Variants in CARD10 observed in about 807,000 individuals in gnomAD.
CARD10 encodes caspase recruitment domain-containing protein 10.
In CARD10, 49 loss-of-function variants were observed where a neutral mutation model predicts 114.6. The ratio of observed to expected loss-of-function variants is 0.43; its 90% confidence interval spans 0.34 to 0.54. CARD10 has a LOEUF of 0.54. Ranked by LOEUF, CARD10 falls within the 20% of genes least tolerant of loss-of-function variation. CARD10 has a pLI of 0.03. For synonymous variants in CARD10, 602 were observed against 593.2 expected (o/e 1.01, Z -0.21); for missense variants, 1,206 against 1,397.2 (o/e 0.86, Z 2.18).
At position 37,496,484 on chromosome 22, in the gene CARD10, T is replaced by C. The variant is rs377261206; in HGVS notation, c.2024A>G (p.Gln675Arg). 7.4e-6 allele frequency: 12 copies of C among 1,613,714 alleles called. No individual in the cohort carries two copies. In the African/African-American group the frequency reaches 1.3e-4, roughly 18 times the overall value. Residue 675 changes from glutamine to arginine, a missense_variant, in exon 13 of 20, where the codon CAG becomes CGG. Physicochemically the swap from Gln to Arg is conservative, Grantham distance 43. This residue lies in a region of CARD10 where 1,068 missense variants were observed against 1,179.1 expected (regional missense o/e 0.91). Transcript: ENST00000251973. This position sits in a 1 kb window ranked among gnomAD's most constrained non-coding sequence, Gnocchi z 4.1. The part of the protein sequence containing the change: ...EAQQRTLLWN[Q>R]GSTLPSLMDS... ...CATCAGGGAGGGGAGTGTGGACCCC[T>C]GATTCCAGAGCAAGGTTCTCTGCTG...
intron 3 of CARD10, among the ~76,000 whole-genome samples, chr22:37,511,645 G>GC (rs1324410089): frequency 6.6e-6 from 1 of 151,960 alleles, no homozygotes; most frequent in Admixed American, 6.6e-5. Context: ...ATCTGTACGG[G>GC]GGGGGTGTGA....
chr22:37,502,072 A>T (rs1201562686), intron 11 of CARD10, among the ~76,000 whole-genome samples: 13 of 152,208 alleles, frequency 8.5e-5, no homozygotes, highest in Admixed American at 8.5e-4. Flanking sequence ...CACTAACAGC[A>T]CGTCGCCTAC....
Position 37,496,621 on chromosome 22 carries a change from G to C in CARD10, c.1948-61C>G, listed in dbSNP as rs778516160. ...AGCCTCTGAGAGTAGAGCAGCCCAGGGGCTGGAGGAAGACCAGGTGTGGGG... is the reference window on the plus strand; with the variant it reads ...AGCCTCTGAGAGTAGAGCAGCCCAGCGGCTGGAGGAAGACCAGGTGTGGGG... On this transcript the variant is annotated intron_variant, in intron 12 of 19. Coordinates refer to ENST00000251973, the MANE Select transcript of CARD10 (RefSeq NM_014550.4). This position sits in a 1 kb window ranked among gnomAD's most constrained non-coding sequence, Gnocchi z 4.1. 1.1e-5 allele frequency: 14 copies of C among 1,235,302 alleles called. No homozygotes were observed. The highest frequency in any genetic ancestry group is 1.5e-5 in the Non-Finnish European group (13 of 853,508). 76.5% of individuals were successfully genotyped at this position (1,235,302 alleles called of 1,614,324 possible).
In CARD10 at chr22:37,497,313, T is replaced by C. The variant is rs1923041695; in HGVS notation, c.1788-135A>G. 5 of 854,480 alleles carry C rather than the reference T, an allele frequency of 5.9e-6. No homozygotes were observed. The East Asian group carries it at 1.4e-4, about 23-fold the overall frequency. The allele number at this position is 854,480 out of a possible 1,614,324, so 52.9% of individuals were successfully genotyped here. On this transcript the variant is annotated intron_variant, in intron 11 of 19. Coordinates refer to ENST00000251973, the MANE Select transcript of CARD10 (RefSeq NM_014550.4). ...CACCCCCAGGCCTCTCCATCTTCTG[T>C]GCCCTCTTCCTTGCCTTCTCCACCT...
chr22:37,508,156 A>AT (rs1923478877), intron 5 of CARD10, among the ~76,000 whole-genome samples: 1 of 152,094 alleles, frequency 6.6e-6, no homozygotes, highest in African/African-American at 2.4e-5. Flanking sequence ...AAACGAGAAG[A>AT]ATGATCATCA....
chr22:37,500,640 G>T (rs551368889), intron 11 of CARD10, among the ~76,000 whole-genome samples: 2 of 152,108 alleles, frequency 1.3e-5, no homozygotes, highest in Non-Finnish European at 2.9e-5. Context: ...CACACAATAC[G>T]GATGTGAGAT....
rs1205037995 is a variant in CARD10 at position 37,492,585 on chromosome 22, C to A, written c.2636-35G>T. 1.9e-6 allele frequency: 3 copies of A among 1,605,144 alleles called. No individual in the cohort carries two copies. Among genetic ancestry groups the A allele is most frequent in the African/African-American group, 2.7e-5 (2 of 74,786 alleles). On this transcript the variant is annotated intron_variant, in intron 17 of 19. Coordinates refer to ENST00000251973, the MANE Select transcript of CARD10 (RefSeq NM_014550.4). The surrounding 1 kb of genome is among the most constrained non-coding windows in gnomAD (Gnocchi z 5.7). Reference sequence around the variant, plus strand: ...GAGTGGAGAGGGAGAGATGAAGGATCCATGGGCCCGGCTGCCCAGAGGGGC... The same window carrying A: ...GAGTGGAGAGGGAGAGATGAAGGATACATGGGCCCGGCTGCCCAGAGGGGC...
chr22:37,491,522 A>C, intron 19 of CARD10, 129 bp from the exon 20 acceptor site: 1 of 122,268 alleles, frequency 8.2e-6, no homozygotes, highest in Non-Finnish European at 1.3e-5. Flanking sequence ...GACAGATGGC[A>C]GATGGAGATG....
rs1260521147 is a variant in CARD10 at position 37,495,610 on chromosome 22, T to C, written c.2304-24A>G. 5 of 1,613,024 alleles carry C rather than the reference T, an allele frequency of 3.1e-6. No homozygotes were observed. In the South Asian group the frequency reaches 4.4e-5, roughly 14 times the overall value. On this transcript the variant is annotated intron_variant, in intron 14 of 19. Coordinates refer to ENST00000251973, the MANE Select transcript of CARD10 (RefSeq NM_014550.4). ...CTCTGTGGGAGGGAGTGACATCATG[T>C]GTGTAGAAAGAAGGAAAGCTCCTCA...
In CARD10 at chr22:37,495,760, C is replaced by G; in HGVS notation, c.2303G>C (p.Arg768Thr). 3 of 1,613,868 alleles carry G rather than the reference C, an allele frequency of 1.9e-6. No homozygotes were observed. Among genetic ancestry groups the G allele is most frequent in the Non-Finnish European group, 2.5e-6 (3 of 1,180,026 alleles). The stretch of plus-strand genomic sequence containing the variant: ...TCCCCAGCTCCTGGCTCTGCGTCAC[C>G]TCTGATAATTGGGCACGGTGCCCCG... ...LDRGTVPNYQ[R>T]AQQLLEVQEK... is the part of the protein sequence containing the mutation. Residue 768 changes from arginine (R) to threonine (T), a missense_variant and splice_region_variant, in exon 14 of 20, where the codon AGA (arginine) becomes ACA (threonine). Arg to Thr is a moderately conservative substitution (Grantham distance 71). This residue lies in a region of CARD10 where 1,068 missense variants were observed against 1,179.1 expected (regional missense o/e 0.91). Transcript: ENST00000251973.
chr22:37,492,708 G>A lies in CARD10; in HGVS notation c.2571C>T (p.Pro857=). The A allele has an allele frequency of 6.2e-7, 1 of 1,613,074 alleles. No individual in the cohort carries two copies. Among genetic ancestry groups the A allele is most frequent in the Non-Finnish European group, 8.5e-7 (1 of 1,179,916 alleles). The change falls in exon 17 of 20, where the codon CCC becomes CCT. Residue 857 remains proline (P), a synonymous_variant. Transcript: ENST00000251973. The surrounding 1 kb of genome is among the most constrained non-coding windows in gnomAD (Gnocchi z 5.7). ...PVVLLPECLA[P]RLIRNLLDLP... Reference sequence around the variant, plus strand: ...GGTCTAGCAGGTTACGGATGAGCCGGGGCGCCAGGCACTCAGGCAACAGCA... The same window carrying A: ...GGTCTAGCAGGTTACGGATGAGCCGAGGCGCCAGGCACTCAGGCAACAGCA...
At chr22:37,517,391 A>T (rs886664458) in intron 2 of CARD10, among the ~76,000 whole-genome samples, 1 of 152,168 alleles carries the variant, frequency 6.6e-6, no homozygotes, top group African/African-American at 2.4e-5. Context: ...TAATCCCAGC[A>T]CTCTGGGAGG....
intron 3 of CARD10, among the ~76,000 whole-genome samples, chr22:37,513,771 A>T (rs749827379): frequency 2.0e-5 from 3 of 152,094 alleles, no homozygotes; most frequent in Non-Finnish European, 2.9e-5. Context: ...CCTGCCAGCC[A>T]CCGCCCCTCA....
rs940666770 is a variant in CARD10 at position 37,501,072 on chromosome 22, C to G, written c.1787+1530G>C. Among the ~76,000 whole-genome samples, 2 of 152,140 alleles carry G rather than the reference C, an allele frequency of 1.3e-5. No individual in the cohort carries two copies. Among genetic ancestry groups the G allele is most frequent in the Non-Finnish European group, 2.9e-5 (2 of 68,020 alleles). Reference sequence around the variant, plus strand: ...ACAATCCCAGGAGACACACAAGTTGCCCCGACCTGGGACCTGTCCGGGCCC... The same window carrying G: ...ACAATCCCAGGAGACACACAAGTTGGCCCGACCTGGGACCTGTCCGGGCCC... On this transcript the variant is annotated intron_variant, in intron 11 of 19. Coordinates refer to ENST00000251973, the MANE Select transcript of CARD10 (RefSeq NM_014550.4). This position sits in a 1 kb window ranked among gnomAD's most constrained non-coding sequence, Gnocchi z 5.4.
rs146267364 is a variant in CARD10, at chr22:37,495,860, C to G, written c.2203G>C (p.Val735Leu). Residue 735 changes from valine to leucine, a missense_variant, in exon 14 of 20, where the codon GTG becomes CTG. Physicochemically the swap from Val to Leu is conservative, Grantham distance 32. This residue lies in a region of CARD10 where 1,068 missense variants were observed against 1,179.1 expected (regional missense o/e 0.91). Transcript: ENST00000251973. ...CVKAQEILRLVDSAYKRRQEW... is the reference protein window; with the variant it reads ...CVKAQEILRLLDSAYKRRQEW... ...TGCCTCCGCTTGTATGCCGAGTCCA[C>G]CAGTCGAAGGATCTCTTGGGCTTTC... 4 of 1,614,160 alleles carry G rather than the reference C, an allele frequency of 2.5e-6. No individual in the cohort carries two copies. Among genetic ancestry groups the G allele is most frequent in the South Asian group, 1.1e-5 (1 of 91,086 alleles).
At chr22:37,497,579 T>C (rs1923051600) in intron 11 of CARD10, among the ~76,000 whole-genome samples, 1 of 152,124 alleles carries the variant, frequency 6.6e-6, no homozygotes, top group African/African-American at 2.4e-5. Context: ...AAGCTTGTTA[T>C]ATAGCCAAGC....
At chr22:37,507,791 A>T (rs1291151085) in intron 6 of CARD10, 38 bp downstream of exon 6, 1 of 1,612,846 alleles carries the variant, frequency 6.2e-7, no homozygotes, top group African/African-American at 1.3e-5. Context: ...GGGAAGCAGC[A>T]ACTGGCCCAG....
Position 37,494,117 on chromosome 22 carries a change from G to C in CARD10, c.2445C>G (p.Ser815=). 3.8e-6 allele frequency: 6 copies of C among 1,559,374 alleles called. No homozygotes were observed. The highest frequency in any genetic ancestry group is 5.2e-6 in the Non-Finnish European group (6 of 1,151,914). The change falls in exon 16 of 20, where the codon TCC becomes TCG. Residue 815 remains serine (S), a synonymous_variant. Coordinates refer to ENST00000251973, the MANE Select transcript of CARD10 (RefSeq NM_014550.4). ...PKPVGAPAGD[S]PDQLLLEPCA... ...AGGGCTCCAGCAGCAGCTGATCCGG[G>C]GAGTCCCCTGCAGGCGCCCCCACGG...
At chr22:37,513,454 T>C (rs888935039) in intron 3 of CARD10, among the ~76,000 whole-genome samples, 1 of 152,136 alleles carries the variant, frequency 6.6e-6, no homozygotes, top group African/African-American at 2.4e-5. Context: ...GCAGCCACTC[T>C]GCGTAGAGGC....
Sources: gnomAD v4.1 joint callset for allele counts (sites outside exome capture counted in the v4.1 genomes callset) on GRCh38, gnomAD v4.1.1 for gene constraint, gnomAD v4.1.1 regional missense constraint, Gnocchi (gnomAD v3.1) non-coding constraint, MANE v1.5 for transcripts, NCBI Gene and HGNC (gene_info 2026-07-23, HGNC 2026-07-21) for gene names.